RAI1: variants seen among roughly 807,000 people sequenced by gnomAD.
The protein encoded by RAI1 is retinoic acid-induced protein 1.
In RAI1, 9 loss-of-function variants were observed where a neutral mutation model predicts 123.8. The observed-to-expected ratio is 0.07, with a 90% CI of 0.04 to 0.13. The LOEUF (loss-of-function observed/expected upper bound fraction) is 0.13, where lower values mean the gene tolerates loss of function less well. RAI1 is among the 10% of genes least tolerant of loss of function. RAI1 has a pLI of 1.00. For missense variants in RAI1, 2,256 were observed against 2,545.8 expected (o/e 0.89, Z 2.45); for synonymous variants, 1,231 against 1,127.3 (o/e 1.09, Z -1.84).
At chr17:17,688,665 G>A (rs1437635580) in intron 1 of RAI1, among the ~76,000 whole-genome samples, 4 of 151,582 alleles carry the variant, frequency 2.6e-5, no homozygotes, top group Non-Finnish European at 5.9e-5. Flanking sequence ...GTGCGATCCC[G>A]GCTCACTGCA....
rs187659072 is a variant in RAI1 at position 17,787,631 on chromosome 17, G to A, written c.-16-5302G>A. On this transcript the variant is annotated intron_variant, in intron 2 of 5. Coordinates refer to ENST00000353383, the MANE Select transcript of RAI1 (RefSeq NM_030665.4). ...TGGGACTGCTGGCCATCTGCCCCTC[G>A]TCCCTGGACTGTGGGCCCTGCGGCC... Among the ~76,000 whole-genome samples, 599 of 152,244 alleles carry A rather than the reference G, an allele frequency of 3.9e-3. 4 individuals carry two copies. The highest frequency in any genetic ancestry group is 0.014 in the African/African-American group (567 of 41,554).
At chr17:17,789,216 C>T (rs371495538) in intron 2 of RAI1, among the ~76,000 whole-genome samples, 11 of 152,356 alleles carry the variant, frequency 7.2e-5, no homozygotes, top group East Asian at 3.9e-4. Context: ...CTGCTGAGGG[C>T]GTCCTGCATA....
At chr17:17,767,501 G>A (rs900755467) in intron 2 of RAI1, among the ~76,000 whole-genome samples, 2 of 152,046 alleles carry the variant, frequency 1.3e-5, no homozygotes, top group African/African-American at 4.8e-5. Flanking sequence ...TAGTACTTTC[G>A]TGCATTTCCA....
At position 17,737,508 on chromosome 17, in the gene RAI1, C is replaced by T. The variant is rs138922690; in HGVS notation, c.-17+13349C>T. 5.6e-4 allele frequency among the ~76,000 whole-genome samples: 86 copies of T among 152,312 alleles called. No individual in the cohort carries two copies. In the East Asian group the frequency reaches 0.016, roughly 29 times the overall value. Reference sequence around the variant, plus strand: ...TTACTCTTGGGGTCCCTACCTGCTTCTGGTGGGGTCCTGGCAGCCTCTAGG... The same window carrying T: ...TTACTCTTGGGGTCCCTACCTGCTTTTGGTGGGGTCCTGGCAGCCTCTAGG... On this transcript the variant is annotated intron_variant, in intron 2 of 5. Transcript: ENST00000353383.
intron 1 of RAI1, among the ~76,000 whole-genome samples, chr17:17,686,237 T>C (rs1914627684): frequency 6.6e-6 from 1 of 151,768 alleles, no homozygotes. Flanking sequence ...GTGGGCCCCT[T>C]TGATCTTTAG....
intron 1 of RAI1, among the ~76,000 whole-genome samples, chr17:17,710,355 C>T (rs939581962): frequency 4.6e-5 from 7 of 152,180 alleles, no homozygotes; most frequent in Non-Finnish European, 7.4e-5. Context: ...CCCATCCCAC[C>T]CTCCAACATC....
At position 17,753,447 on chromosome 17, in the gene RAI1, C is replaced by G. The variant is rs180798054; in HGVS notation, c.-17+29288C>G. 2.7e-3 allele frequency among the ~76,000 whole-genome samples: 414 copies of G among 152,350 alleles called. 2 individuals carry two copies. The highest frequency in any genetic ancestry group is 4.4e-3 in the Admixed American group (67 of 15,312). ...CAAAAGGGAGCTAAACTCATGAAAT[C>G]GGCTTCACGGTTATACATGGATAGC... is the stretch of plus-strand genomic sequence containing the variant. On this transcript the variant is annotated intron_variant, in intron 2 of 5. Transcript: ENST00000353383.
Position 17,800,524 on chromosome 17 carries a change from G to A in RAI1, c.5565+2011G>A, listed in dbSNP as rs2032426841. ...CACCGACCACCCCATCCTGTCCCTGGCCCATGGGTGTCTTAACCGCCCATG... is the reference window on the plus strand; with the variant it reads ...CACCGACCACCCCATCCTGTCCCTGACCCATGGGTGTCTTAACCGCCCATG... On this transcript the variant is annotated intron_variant, in intron 3 of 5. Coordinates refer to ENST00000353383, the MANE Select transcript of RAI1 (RefSeq NM_030665.4). This position sits in a 1 kb window ranked among gnomAD's most constrained non-coding sequence, Gnocchi z 4.7. 1.3e-5 allele frequency among the ~76,000 whole-genome samples: 2 copies of A among 152,180 alleles called. No individual in the cohort carries two copies. The highest frequency in any genetic ancestry group is 4.8e-5 in the African/African-American group (2 of 41,444).
intron 1 of RAI1, among the ~76,000 whole-genome samples, chr17:17,690,703 A>C (rs982506275): frequency 3.3e-5 from 5 of 152,250 alleles, no homozygotes; most frequent in Non-Finnish European, 1.5e-5. Context: ...ATGTAAAGTA[A>C]AAACCACCTG....
chr17:17,691,050 G>A (rs1003194481), intron 1 of RAI1, among the ~76,000 whole-genome samples: 12 of 152,232 alleles, frequency 7.9e-5, no homozygotes, highest in African/African-American at 2.4e-4. Context: ...ATCATGATGA[G>A]AGGTAAAATA....
chr17:17,776,600 C>T (rs1211681293), intron 2 of RAI1: 1 of 151,428 alleles, frequency 6.6e-6, no homozygotes, highest in Non-Finnish European at 1.5e-5. Flanking sequence ...AAGTGATCAT[C>T]CCACCTTGGC....
At chr17:17,684,453 G>C (rs1914551408) in intron 1 of RAI1, 1 of 151,688 alleles carries the variant, frequency 6.6e-6, no homozygotes, top group Non-Finnish European at 1.5e-5. Context: ...CCTAGGAAAT[G>C]AATTTGCCAT....
intron 2 of RAI1, among the ~76,000 whole-genome samples, chr17:17,759,000 G>T (rs1049838030): frequency 1.3e-5 from 2 of 152,196 alleles, no homozygotes; most frequent in African/African-American, 4.8e-5. Context: ...AGAGGTTCTG[G>T]TCGCCATGGA....
intron 2 of RAI1, among the ~76,000 whole-genome samples, chr17:17,738,337 T>G (rs1916505024): frequency 7.9e-6 from 1 of 127,324 alleles, no homozygotes; most frequent in South Asian, 2.7e-4. Flanking sequence ...TGGGGCGGGC[T>G]GGCTGGCGGC....
rs1915190787 is a variant in RAI1 at position 17,700,666 on chromosome 17, C to A, written c.-149+18873C>A. 2.0e-5 allele frequency among the ~76,000 whole-genome samples: 3 copies of A among 152,196 alleles called. No individual in the cohort carries two copies. The East Asian group carries it at 5.8e-4, about 30-fold the overall frequency. On this transcript the variant is annotated intron_variant, in intron 1 of 5. Transcript: ENST00000353383. ...GGAGAGAAGAGGAGAGCAGCGGGGC[C>A]TCCGCGAGGCCGGGCCTCGTCCGCC...
chr17:17,747,915 AT>A (rs1193865444), intron 2 of RAI1, among the ~76,000 whole-genome samples: 1 of 152,204 alleles, frequency 6.6e-6, no homozygotes, highest in African/African-American at 2.4e-5. Context: ...AATTTAAAAA[AT>A]TAGCTGAGCA....
intron 2 of RAI1, among the ~76,000 whole-genome samples, chr17:17,752,421 C>T (rs962758975): frequency 6.6e-6 from 1 of 151,806 alleles, no homozygotes; most frequent in African/African-American, 2.4e-5. Context: ...GCGCGCGCTG[C>T]CTGTGATTAA....
At chr17:17,730,683 G>C (rs2142947116) in intron 2 of RAI1, among the ~76,000 whole-genome samples, 1 of 152,356 alleles carries the variant, frequency 6.6e-6, no homozygotes, top group South Asian at 2.1e-4. Flanking sequence ...GGCAAAGCTG[G>C]GGCTCCCAGA....
intron 2 of RAI1, among the ~76,000 whole-genome samples, chr17:17,735,486 T>G (rs1189035321): frequency 1.3e-5 from 2 of 151,694 alleles, no homozygotes; most frequent in East Asian, 1.9e-4. Flanking sequence ...CCCAAGTAGC[T>G]GGGACTACAG....
Sources: gnomAD v4.1 joint callset for allele counts (sites outside exome capture counted in the v4.1 genomes callset) on GRCh38, gnomAD v4.1.1 for gene constraint, Gnocchi (gnomAD v3.1) non-coding constraint, MANE v1.5 for transcripts, NCBI Gene and HGNC (gene_info 2026-07-23, HGNC 2026-07-21) for gene names.